Variants in CSMD3 observed in about 807,000 individuals in gnomAD.
The protein encoded by CSMD3 is CUB and Sushi multiple domains 3.
A neutral mutation model predicts 435.2 loss-of-function variants in CSMD3; 177 were observed. The observed-to-expected ratio is 0.41, with a 90% CI of 0.36 to 0.46. The LOEUF (loss-of-function observed/expected upper bound fraction) is 0.46. Among genes scored for constraint, CSMD3 ranks in the 20% least tolerant of loss-of-function variants. The probability of loss-of-function intolerance (pLI) is 0.34; values close to 1 mark genes in which losing one functional copy is unlikely to be tolerated. For missense variants in CSMD3, 4,265 were observed against 4,504.6 expected (o/e 0.95, Z 1.52); for synonymous variants, 1,656 against 1,520.5 (o/e 1.09, Z -2.07).
chr8:112,764,827 T>A (rs2077934078), intron 13 of CSMD3, among the ~76,000 whole-genome samples: 1 of 151,744 alleles, frequency 6.6e-6, no homozygotes, highest in African/African-American at 2.4e-5. Flanking sequence ...GATTAGTAAA[T>A]AATTTTGTTT....
At chr8:112,731,653 C>T (rs1338792710) in intron 13 of CSMD3, among the ~76,000 whole-genome samples, 1 of 152,008 alleles carries the variant, frequency 6.6e-6, no homozygotes, top group Admixed American at 6.6e-5. Flanking sequence ...AATGCCAATC[C>T]TTATTGCATT....
rs572894696 is a variant in CSMD3 at position 113,357,833 on chromosome 8, T to C, written c.179-43040A>G. 4.6e-5 allele frequency among the ~76,000 whole-genome samples: 7 copies of C among 152,292 alleles called. No homozygotes were observed. The South Asian group carries it at 1.4e-3, about 32-fold the overall frequency. ...TCCCCCTTTCCTCTCTGTCTCCTGCTGGCCATGTGAAGATGTGTTTGCTTT... is the reference window on the plus strand; with the variant it reads ...TCCCCCTTTCCTCTCTGTCTCCTGCCGGCCATGTGAAGATGTGTTTGCTTT... On this transcript the variant is annotated intron_variant, in intron 1 of 70. Coordinates refer to ENST00000297405, the MANE Select transcript of CSMD3 (RefSeq NM_198123.2).
intron 5 of CSMD3, among the ~76,000 whole-genome samples, chr8:113,069,524 T>C (rs1366223580): frequency 2.0e-5 from 3 of 152,166 alleles, no homozygotes; most frequent in Admixed American, 2.0e-4. Context: ...CTGTTTGAAT[T>C]CAGTGAACAA....
chr8:112,341,095 T>C (rs1825060462), intron 42 of CSMD3, among the ~76,000 whole-genome samples: 1 of 152,140 alleles, frequency 6.6e-6, no homozygotes, highest in South Asian at 2.1e-4. Context: ...AAGAACATTT[T>C]ACATAATACA....
chr8:113,276,380 G>T (rs2093570459), intron 3 of CSMD3, among the ~76,000 whole-genome samples: 1 of 152,016 alleles, frequency 6.6e-6, no homozygotes, highest in Non-Finnish European at 1.5e-5. Context: ...ATACATCAGA[G>T]GGGAAATCAA....
intron 23 of CSMD3, among the ~76,000 whole-genome samples, chr8:112,579,717 A>T (rs1335335589): frequency 1.3e-5 from 2 of 152,170 alleles, no homozygotes; most frequent in Admixed American, 1.3e-4. Context: ...TAGATAGGAA[A>T]GAAACTTGAA....
intron 11 of CSMD3, among the ~76,000 whole-genome samples, chr8:112,838,353 G>A (rs544013861): frequency 6.6e-6 from 1 of 151,828 alleles, no homozygotes; most frequent in South Asian, 2.1e-4. Flanking sequence ...TATATGAAAA[G>A]CAGCATATTA....
chr8:113,346,807 T>C (rs569791418), intron 1 of CSMD3, among the ~76,000 whole-genome samples: 1 of 152,280 alleles, frequency 6.6e-6, no homozygotes, highest in South Asian at 2.1e-4. Flanking sequence ...ATGCCTTATG[T>C]GATTAAGAAT....
intron 5 of CSMD3, among the ~76,000 whole-genome samples, chr8:113,031,043 C>A (rs1182798654): frequency 6.6e-6 from 1 of 151,584 alleles, no homozygotes; most frequent in Non-Finnish European, 1.5e-5. Flanking sequence ...ATAATGCTAG[C>A]ATGAATGTAA....
chr8:112,527,791 G>T (rs929179338), intron 27 of CSMD3, among the ~76,000 whole-genome samples: 6 of 151,928 alleles, frequency 3.9e-5, no homozygotes, highest in Non-Finnish European at 7.4e-5. Context: ...TTCATGAAAT[G>T]AATACAAAAA....
At chr8:113,347,353 T>G (rs949801996) in intron 1 of CSMD3, among the ~76,000 whole-genome samples, 4 of 152,072 alleles carry the variant, frequency 2.6e-5, no homozygotes, top group African/African-American at 9.7e-5. Flanking sequence ...CTTCCACACC[T>G]CCCTGGCTCT....
chr8:112,645,808 T>C (rs904145273), intron 19 of CSMD3, among the ~76,000 whole-genome samples: 1 of 152,190 alleles, frequency 6.6e-6, no homozygotes, highest in Non-Finnish European at 1.5e-5. Context: ...ATTCATTTCT[T>C]TGAGAACAAA....
Position 112,247,136 on chromosome 8 carries a change from A to G in CSMD3, c.10111-5T>C. 6.3e-7 allele frequency: 1 copy of G among 1,583,556 alleles called. No individual in the cohort carries two copies. Among genetic ancestry groups the G allele is most frequent in the Admixed American group, 1.7e-5 (1 of 59,880 alleles). On this transcript the variant is annotated splice_polypyrimidine_tract_variant and splice_region_variant and intron_variant, in intron 63 of 70. Transcript: ENST00000297405. ...GAACTGTACAACACTTCCTACCTAT[A>G]GCAAATTAAAGAGAGGAAAAAAATA...
chr8:112,951,107 GA>G (rs2083792660), intron 8 of CSMD3, among the ~76,000 whole-genome samples: 3 of 151,714 alleles, frequency 2.0e-5, no homozygotes, highest in Admixed American at 6.6e-5. Context: ...TTTAAATTAA[GA>G]AAAAAAGTGC....
At chr8:112,467,486 T>A (rs1223770605) in intron 32 of CSMD3, among the ~76,000 whole-genome samples, 1 of 152,000 alleles carries the variant, frequency 6.6e-6, no homozygotes, top group Non-Finnish European at 1.5e-5. Flanking sequence ...ATGCGTGCTT[T>A]ATACAGCAAC....
At chr8:112,823,465 T>C (rs573923796) in intron 12 of CSMD3, among the ~76,000 whole-genome samples, 3 of 152,338 alleles carry the variant, frequency 2.0e-5, no homozygotes, top group Admixed American at 6.5e-5. Flanking sequence ...TTTAGTGCTA[T>C]AAATTTCCCT....
At chr8:112,478,812 C>A (rs372553832) in intron 31 of CSMD3, among the ~76,000 whole-genome samples, 1 of 152,144 alleles carries the variant, frequency 6.6e-6, no homozygotes, top group Non-Finnish European at 1.5e-5. Context: ...GTTCGCCTGC[C>A]CTTTCCTAAT....
chr8:112,692,357 C>G (rs2076156129), intron 13 of CSMD3, among the ~76,000 whole-genome samples: 1 of 152,104 alleles, frequency 6.6e-6, no homozygotes, highest in African/African-American at 2.4e-5. Context: ...TACTTTGTAA[C>G]TCATAAATAA....
chr8:113,131,949 C>T (rs1379979335), intron 4 of CSMD3, among the ~76,000 whole-genome samples: 1 of 152,176 alleles, frequency 6.6e-6, no homozygotes, highest in Non-Finnish European at 1.5e-5. Context: ...CCCACCTTGC[C>T]TCAGCATGCC....
Sources: allele counts gnomAD v4.1 joint callset (sites outside exome capture counted in the v4.1 genomes callset), GRCh38; gene constraint gnomAD v4.1.1; transcripts MANE v1.5; gene names NCBI Gene and HGNC (gene_info 2026-07-23, HGNC 2026-07-21).